The following NRCAM variants were observed in gnomAD, a reference collection of about 807,000 sequenced individuals.
NRCAM encodes the protein neuronal cell adhesion molecule.
Under a neutral mutation model 156.5 loss-of-function variants are expected in NRCAM, and 83 were observed. That is an observed-to-expected ratio of 0.53 (90% CI 0.44 to 0.64). NRCAM has a LOEUF of 0.64. Ranked by LOEUF, NRCAM falls within the 30% of genes least tolerant of loss-of-function variation. The probability of loss-of-function intolerance (pLI) is 0.00; values close to 1 mark genes in which losing one functional copy is unlikely to be tolerated. For synonymous variants in NRCAM, 538 were observed against 563.9 expected (o/e 0.95, Z 0.65); for missense variants, 1,417 against 1,597.3 (o/e 0.89, Z 1.92).
Position 108,231,015 on chromosome 7 carries a change from TATTATCAAA to T in NRCAM, c.550+7_550+15del. On this transcript the variant is annotated splice_region_variant and intron_variant, in intron 8 of 32. Transcript: ENST00000379028. The stretch of plus-strand genomic sequence containing the variant: ...AAGACTTTTAAAGAAAGAAAGTTCA[TATTATCAAA>T]ACTTACAATTATCCATCCAAAATAT... 1 of 1,580,590 alleles carries T rather than the reference TATTATCAAA, an allele frequency of 6.3e-7. No homozygotes were observed. Among genetic ancestry groups the T allele is most frequent in the Middle Eastern group, 1.7e-4 (1 of 5,978 alleles).
intron 11 of NRCAM, among the ~76,000 whole-genome samples, chr7:108,222,361 G>A (rs1394402674): frequency 6.6e-6 from 1 of 152,186 alleles, no homozygotes. Context: ...ACACTCCAAA[G>A]TTTTAAAAAT....
chr7:108,180,778 A>T, intron 24 of NRCAM, among the ~76,000 whole-genome samples: 1 of 152,226 alleles, frequency 6.6e-6, no homozygotes. Context: ...CTAAAAATAA[A>T]AATTACTGCC....
chr7:108,182,706 G>C lies in NRCAM; in HGVS notation c.2519C>G (p.Ser840Cys), dbSNP rs1398744154. Reference protein sequence around the residue: ...APEPAVVMGHSGEDLPMVAPG... With the variant: ...APEPAVVMGHCGEDLPMVAPG... ...ATGGCATCACTTACGGTCTTCTCCAGAATGTCCCATGACTACAGCTGGCTC... is the reference window on the plus strand; with the variant it reads ...ATGGCATCACTTACGGTCTTCTCCACAATGTCCCATGACTACAGCTGGCTC... Residue 840 changes from serine to cysteine, a missense_variant, in exon 23 of 33, where the codon TCT (serine) becomes TGT (cysteine). By Grantham distance (112) the Ser-to-Cys change is moderately radical. Transcript: ENST00000379028. The C allele has an allele frequency of 6.2e-7, 1 of 1,614,118 alleles. No homozygotes were observed. The highest frequency in any genetic ancestry group is 2.2e-5 in the East Asian group (1 of 44,882).
chr7:108,296,672 T>G (rs994993803), intron 3 of NRCAM, among the ~76,000 whole-genome samples: 3 of 152,180 alleles, frequency 2.0e-5, no homozygotes, highest in African/African-American at 7.2e-5. Context: ...AGATATTTTT[T>G]ACTGTATGAA....
chr7:108,255,505 T>C (rs1473501569), intron 3 of NRCAM, among the ~76,000 whole-genome samples: 1 of 152,128 alleles, frequency 6.6e-6, no homozygotes, highest in Non-Finnish European at 1.5e-5. Context: ...TGGCGTGATC[T>C]CGGCTCGCTA....
chr7:108,181,983 A>T, intron 23 of NRCAM, 46 bp from the exon 24 acceptor site: 1 of 1,402,906 alleles, frequency 7.1e-7, no homozygotes. Context: ...TGTTATTTTT[A>T]ATTTCATCCA....
chr7:108,265,197 C>A (rs926969247), intron 3 of NRCAM, among the ~76,000 whole-genome samples: 1 of 152,194 alleles, frequency 6.6e-6, no homozygotes, highest in African/African-American at 2.4e-5. Flanking sequence ...GCTGTCCCTG[C>A]CTTTATCGTT....
At chr7:108,338,896 C>T (rs1455530242) in intron 2 of NRCAM, among the ~76,000 whole-genome samples, 2 of 152,162 alleles carry the variant, frequency 1.3e-5, no homozygotes, top group African/African-American at 4.8e-5. Flanking sequence ...AAATCCTTAA[C>T]CCAGTAACCC....
At chr7:108,265,768 C>T (rs140332960) in intron 3 of NRCAM, among the ~76,000 whole-genome samples, 16 of 152,306 alleles carry the variant, frequency 1.1e-4, no homozygotes, top group African/African-American at 3.8e-4. Flanking sequence ...CCAGAATTCA[C>T]AAAAAACTGT....
In NRCAM at chr7:108,207,548, G is replaced by C. The variant is rs2081831478; in HGVS notation, c.1187C>G (p.Thr396Arg). The C allele has an allele frequency of 6.2e-7, 1 of 1,613,764 alleles. No homozygotes were observed. The highest frequency in any genetic ancestry group is 1.7e-5 in the Admixed American group (1 of 59,964). ...CTTACTTTCTATTGGGACTCCATTT[G>C]TTAACCAGCTAATTCTGGGTTTGGG... Reference protein sequence around the residue: ...GNPKPRISWLTNGVPIEIAPD... With the variant: ...GNPKPRISWLRNGVPIEIAPD... Residue 396 changes from threonine to arginine, a missense_variant, in exon 13 of 33, where the codon ACA becomes AGA. Physicochemically the swap from Thr to Arg is moderately conservative, Grantham distance 71. This residue lies in a region of NRCAM where 1,238 missense variants were observed against 1,336.4 expected (regional missense o/e 0.93). Coordinates refer to ENST00000379028, the MANE Select transcript of NRCAM (RefSeq NM_001037132.4).
intron 1 of NRCAM, among the ~76,000 whole-genome samples, chr7:108,427,702 C>G (rs766053003): frequency 6.6e-6 from 1 of 152,178 alleles, no homozygotes; most frequent in Non-Finnish European, 1.5e-5. Context: ...ATCCTTTACT[C>G]AAAAGCAAGA....
chr7:108,259,326 A>G (rs1028329306), intron 3 of NRCAM, among the ~76,000 whole-genome samples: 1 of 152,210 alleles, frequency 6.6e-6, no homozygotes, highest in Non-Finnish European at 1.5e-5. Context: ...CTTTTTAAAA[A>G]TCAAAGTCAA....
At chr7:108,186,949 A>G (rs2067212015) in intron 20 of NRCAM, among the ~76,000 whole-genome samples, 1 of 152,208 alleles carries the variant, frequency 6.6e-6, no homozygotes, top group African/African-American at 2.4e-5. Context: ...TTGAACCTGT[A>G]ATCTGCCTCA....
At chr7:108,446,325 G>A (rs748053675) in intron 1 of NRCAM, among the ~76,000 whole-genome samples, 2 of 152,108 alleles carry the variant, frequency 1.3e-5, no homozygotes, top group Non-Finnish European at 2.9e-5. Flanking sequence ...TAAATGTTTG[G>A]TTTCTCATGG....
At chr7:108,162,325 C>T (rs1585455226) in intron 30 of NRCAM, among the ~76,000 whole-genome samples, 1 of 152,268 alleles carries the variant, frequency 6.6e-6, no homozygotes, top group East Asian at 1.9e-4. Flanking sequence ...ATTAAAAGTC[C>T]ATCATTACAT....
chr7:108,435,665 T>G (rs1199459236), intron 1 of NRCAM, among the ~76,000 whole-genome samples: 1 of 152,108 alleles, frequency 6.6e-6, no homozygotes, highest in Non-Finnish European at 1.5e-5. Flanking sequence ...AATACCTGAG[T>G]GATGAAGTAA....
At chr7:108,431,440 C>T (rs954787290) in intron 1 of NRCAM, among the ~76,000 whole-genome samples, 21 of 152,182 alleles carry the variant, frequency 1.4e-4, no homozygotes, top group Admixed American at 1.4e-3. Context: ...TAGTTTTGAT[C>T]ATGATTCATA....
In NRCAM at chr7:108,187,823, C is replaced by T. The variant is rs188641353; in HGVS notation, c.2035+1822G>A. 2.2e-3 allele frequency among the ~76,000 whole-genome samples: 339 copies of T among 151,986 alleles called. 16 individuals are homozygous for T. In the East Asian group the frequency reaches 0.045, roughly 20 times the overall value. ...AAAAAAAAGTAGCCGGGTGTGGTGG[C>T]GGGCGCCTGTAGTCCCAGCTACTCG... On this transcript the variant is annotated intron_variant, in intron 20 of 32. Transcript: ENST00000379028.
intron 13 of NRCAM, chr7:108,207,135 C>G (rs894847342): frequency 6.2e-6 from 1 of 160,504 alleles, no homozygotes; most frequent in African/African-American, 2.4e-5. Flanking sequence ...TTGTCATATC[C>G]ATTGGCTCTA....
Sources: gnomAD v4.1 joint callset for allele counts (sites outside exome capture counted in the v4.1 genomes callset) on GRCh38, gnomAD v4.1.1 for gene constraint, gnomAD v4.1.1 regional missense constraint, MANE v1.5 for transcripts, NCBI Gene and HGNC (gene_info 2026-07-23, HGNC 2026-07-21) for gene names.